The following PTPRT variants were observed in gnomAD, a reference collection of about 807,000 sequenced individuals.
The protein encoded by PTPRT is protein tyrosine phosphatase receptor type T, also known as receptor-type tyrosine-protein phosphatase T.
Under a neutral mutation model 176.8 loss-of-function variants are expected in PTPRT, and 56 were observed. That is an observed-to-expected ratio of 0.32 (90% CI 0.26 to 0.40). PTPRT has a LOEUF of 0.40. PTPRT is among the 10% of genes least tolerant of loss of function. PTPRT has a pLI of 1.00. For synonymous variants in PTPRT, 783 were observed against 739.0 expected, an observed-to-expected ratio of 1.06 and a Z score of -0.96; for missense variants, 1,540 against 1,908.2, an observed-to-expected ratio of 0.81 and a Z score of 3.60.
chr20:42,295,124 T>C (rs1332073346), intron 12 of PTPRT, among the ~76,000 whole-genome samples: 2 of 151,972 alleles, frequency 1.3e-5, no homozygotes, highest in Non-Finnish European at 2.9e-5. Context: ...ACTGAAAGAG[T>C]GCACAGTACC....
In PTPRT at chr20:42,655,063, C is replaced by T. The variant is rs148594899; in HGVS notation, c.1153+22803G>A. ...TATCAGCAATGAGACATGTAATACC[C>T]CTTCCACCCTGAAAAGGTCCATTTC... On this transcript the variant is annotated intron_variant, in intron 7 of 30. Transcript: ENST00000373187. Among the ~76,000 whole-genome samples, 431 of 152,232 alleles carry T rather than the reference C, an allele frequency of 2.8e-3. 2 individuals carry two copies. The highest frequency in any genetic ancestry group is 1.0e-2 in the African/African-American group (415 of 41,542).
At chr20:42,366,048 GGAC>G (rs2058509733) in intron 9 of PTPRT, among the ~76,000 whole-genome samples, 1 of 152,166 alleles carries the variant, frequency 6.6e-6, no homozygotes, top group Non-Finnish European at 1.5e-5. Flanking sequence ...CTGCTCCAGG[GGAC>G]TTCCCAAAGC....
chr20:42,251,464 A>G (rs1163944233), intron 13 of PTPRT, among the ~76,000 whole-genome samples: 3 of 152,184 alleles, frequency 2.0e-5, no homozygotes, highest in East Asian at 1.9e-4. Flanking sequence ...GTAGGGGAAT[A>G]TAATTAATAA....
At chr20:42,565,336 ACAC>A (rs2073020094) in intron 7 of PTPRT, among the ~76,000 whole-genome samples, 1 of 152,152 alleles carries the variant, frequency 6.6e-6, no homozygotes, top group Non-Finnish European at 1.5e-5. Flanking sequence ...AATACTCCCC[ACAC>A]CACCATTTGT....
chr20:42,946,544 A>G (rs1178077326), intron 1 of PTPRT, among the ~76,000 whole-genome samples: 1 of 152,214 alleles, frequency 6.6e-6, no homozygotes, highest in East Asian at 1.9e-4. Flanking sequence ...TACATACATG[A>G]CAGAGGGTCA....
At chr20:42,842,218 G>A (rs185736059) in intron 2 of PTPRT, among the ~76,000 whole-genome samples, 41 of 152,262 alleles carry the variant, frequency 2.7e-4, no homozygotes, top group African/African-American at 9.4e-4. Flanking sequence ...GGTTGGAAGT[G>A]GTTTTTATGG....
intron 6 of PTPRT, among the ~76,000 whole-genome samples, chr20:42,711,612 C>T (rs186002359): frequency 5.5e-4 from 83 of 152,194 alleles, no homozygotes; most frequent in African/African-American, 1.9e-3. Flanking sequence ...GCCAAATAAA[C>T]CTCTTTTCTT....
At position 42,098,700 on chromosome 20, in the gene PTPRT, C is replaced by G. The variant is rs1237606165; in HGVS notation, c.3715-148G>C. On this transcript the variant is annotated intron_variant, in intron 26 of 30. Transcript: ENST00000373187. ...GCCTGTTCTTTTATCTCTCCACGCC[C>G]TGGCGGCAAAGGGGACCTTCTCATA... 12 of 1,061,016 alleles carry G rather than the reference C, an allele frequency of 1.1e-5. No individual in the cohort carries two copies. In the East Asian group the frequency reaches 3.1e-4, roughly 28 times the overall value. The allele number at this position is 1,061,016 out of a possible 1,614,324, so 65.7% of individuals were successfully genotyped here. A position where few individuals can be genotyped will look rare whatever the true frequency, so the allele number is the denominator to read the frequency against.
intron 1 of PTPRT, among the ~76,000 whole-genome samples, chr20:42,917,176 A>G (rs1474390689): frequency 6.6e-6 from 1 of 152,168 alleles, no homozygotes; most frequent in African/African-American, 2.4e-5. Flanking sequence ...AGCTTTCTAC[A>G]TATGGCTAGC....
intron 7 of PTPRT, among the ~76,000 whole-genome samples, chr20:42,543,965 C>T (rs750673186): frequency 6.6e-6 from 1 of 152,116 alleles, no homozygotes; most frequent in Non-Finnish European, 1.5e-5. Flanking sequence ...AACAAATGTG[C>T]TGTCATCCAG....
chr20:42,449,032 TA>T (rs1190292871), intron 8 of PTPRT, among the ~76,000 whole-genome samples: 1 of 152,150 alleles, frequency 6.6e-6, no homozygotes, highest in African/African-American at 2.4e-5. Flanking sequence ...CCCATCATCT[TA>T]CCAAGTATCA....
chr20:42,819,748 AAAAT>A (rs1473635861), intron 2 of PTPRT, among the ~76,000 whole-genome samples: 7 of 151,920 alleles, frequency 4.6e-5, no homozygotes. Context: ...AAAATAAAAA[AAAAT>A]AAAAAAGCAG....
intron 13 of PTPRT, among the ~76,000 whole-genome samples, chr20:42,267,782 T>C (rs539457042): frequency 9.8e-5 from 15 of 152,304 alleles, no homozygotes; most frequent in Non-Finnish European, 1.9e-4. Context: ...AGAGAATGAA[T>C]TCCTTGAAGG....
chr20:42,630,617 A>G (rs1391389602), intron 7 of PTPRT, among the ~76,000 whole-genome samples: 1 of 152,152 alleles, frequency 6.6e-6, no homozygotes, highest in African/African-American at 2.4e-5. Context: ...CAATTTTTAA[A>G]TTTCCTTAAT....
At chr20:42,590,644 A>G (rs2073552296) in intron 7 of PTPRT, among the ~76,000 whole-genome samples, 1 of 152,154 alleles carries the variant, frequency 6.6e-6, no homozygotes, top group Non-Finnish European at 1.5e-5. Context: ...GCATCCTCAG[A>G]GGAGAAGATT....
chr20:42,793,329 C>T (rs567287386), intron 2 of PTPRT, among the ~76,000 whole-genome samples: 4 of 152,180 alleles, frequency 2.6e-5, no homozygotes, highest in African/African-American at 7.2e-5. Context: ...CTCTCACCCC[C>T]ATCCCACCCT....
intron 6 of PTPRT, among the ~76,000 whole-genome samples, chr20:42,713,248 T>C (rs1212592013): frequency 1.3e-5 from 2 of 151,942 alleles, no homozygotes. Flanking sequence ...AAAAGAGTAA[T>C]TTTCAGTGTA....
intron 7 of PTPRT, among the ~76,000 whole-genome samples, chr20:42,671,476 C>G (rs533594186): frequency 2.6e-5 from 4 of 152,266 alleles, no homozygotes; most frequent in African/African-American, 9.6e-5. Context: ...ACACAATGCT[C>G]TAGACAAGAG....
intron 9 of PTPRT, among the ~76,000 whole-genome samples, chr20:42,374,270 C>G (rs1213101929): frequency 6.6e-6 from 1 of 152,178 alleles, no homozygotes; most frequent in Admixed American, 6.5e-5. Context: ...AGGAAAAGGT[C>G]AGGTGTGGTC....
Sources: gnomAD v4.1 joint callset for allele counts (sites outside exome capture counted in the v4.1 genomes callset) on GRCh38, gnomAD v4.1.1 for gene constraint, MANE v1.5 for transcripts, NCBI Gene and HGNC (gene_info 2026-07-23, HGNC 2026-07-21) for gene names.